KCNH1: variants seen among roughly 807,000 people sequenced by gnomAD.
KCNH1 encodes the protein voltage-gated delayed rectifier potassium channel KCNH1.
Under a neutral mutation model 69.2 loss-of-function variants are expected in KCNH1, and 27 were observed. That is an observed-to-expected ratio of 0.39 (90% CI 0.29 to 0.54). KCNH1 has a LOEUF of 0.54. Ranked by LOEUF, KCNH1 falls within the 20% of genes least tolerant of loss-of-function variation. The probability of loss-of-function intolerance (pLI) is 0.68; values close to 1 mark genes in which losing one functional copy is unlikely to be tolerated. For missense variants in KCNH1, 798 were observed against 1,261.6 expected (o/e 0.63, Z 5.57); for synonymous variants, 456 against 487.7 (o/e 0.93, Z 0.86).
intron 1 of KCNH1, among the ~76,000 whole-genome samples, chr1:211,116,340 G>A (rs1691582105): frequency 6.6e-6 from 1 of 152,106 alleles, no homozygotes; most frequent in Admixed American, 6.5e-5. Flanking sequence ...TATAACTTCT[G>A]CAGTAGTCTT....
In KCNH1 at chr1:210,919,515, G is replaced by C. The variant is rs1044727141; in HGVS notation, c.1462+125C>G. 1.2e-5 allele frequency: 11 copies of C among 938,408 alleles called. No homozygotes were observed. In the South Asian group the frequency reaches 1.7e-4, roughly 15 times the overall value. The allele number at this position is 938,408 out of a possible 1,614,324, so 58.1% of individuals were successfully genotyped here. ...AATTATCAGGGTAACTGTAAGCCTAGTCTTAAAAAAACTCTTCCTTGTTTT... is the reference window on the plus strand; with the variant it reads ...AATTATCAGGGTAACTGTAAGCCTACTCTTAAAAAAACTCTTCCTTGTTTT... On this transcript the variant is annotated intron_variant, in intron 7 of 10. Coordinates refer to ENST00000271751, the MANE Select transcript of KCNH1 (RefSeq NM_172362.3). This position sits in a 1 kb window ranked among gnomAD's most constrained non-coding sequence, Gnocchi z 4.2.
chr1:210,842,868 T>C (rs1685439823), intron 7 of KCNH1, among the ~76,000 whole-genome samples: 2 of 152,222 alleles, frequency 1.3e-5, no homozygotes, highest in African/African-American at 4.8e-5. Context: ...CCATCTTCTC[T>C]GTCCCATCTT....
At chr1:210,776,082 C>T (rs770763796) in intron 9 of KCNH1, among the ~76,000 whole-genome samples, 15 of 152,120 alleles carry the variant, frequency 9.9e-5, no homozygotes, top group Non-Finnish European at 1.3e-4. Context: ...TAAGGGAGCA[C>T]GTGGACTCTT....
At chr1:210,835,083 A>T (rs1204834720) in intron 7 of KCNH1, among the ~76,000 whole-genome samples, 1 of 152,018 alleles carries the variant, frequency 6.6e-6, no homozygotes, top group Non-Finnish European at 1.5e-5. Context: ...GTGCCTAAAA[A>T]CTCATAGAAT....
intron 1 of KCNH1, among the ~76,000 whole-genome samples, chr1:211,124,850 G>A (rs1300565270): frequency 6.6e-6 from 1 of 152,188 alleles, no homozygotes; most frequent in African/African-American, 2.4e-5. Context: ...TTTCTAAGGT[G>A]TAAATACCTT....
At chr1:210,754,646 C>T (rs748515864) in intron 10 of KCNH1, among the ~76,000 whole-genome samples, 9 of 152,014 alleles carry the variant, frequency 5.9e-5, no homozygotes, top group African/African-American at 1.9e-4. Flanking sequence ...TACCGTGTGA[C>T]GTGCCTGCTC....
At position 211,098,290 on chromosome 1, in the gene KCNH1, C is replaced by A. The variant is rs868390491; in HGVS notation, c.310+5206G>T. 3.4e-5 allele frequency among the ~76,000 whole-genome samples: 5 copies of A among 146,722 alleles called. No individual in the cohort carries two copies. In the Admixed American group the frequency reaches 3.5e-4, roughly 10 times the overall value. The stretch of plus-strand genomic sequence containing the variant: ...GAGCTGAGATCGCGCCACTGCACTC[C>A]AGCTTGGGCGACATAGCCAGACCCT... On this transcript the variant is annotated intron_variant, in intron 3 of 10. Transcript: ENST00000271751.
chr1:210,843,192 A>G (rs988996992), intron 7 of KCNH1, among the ~76,000 whole-genome samples: 1 of 152,232 alleles, frequency 6.6e-6, no homozygotes, highest in African/African-American at 2.4e-5. Flanking sequence ...CAACTAGTGC[A>G]TAGCTCTGCT....
intron 7 of KCNH1, among the ~76,000 whole-genome samples, chr1:210,888,362 A>G (rs143747801): frequency 0.019 from 2,891 of 152,298 alleles, 94 homozygotes; most frequent in African/African-American, 0.065. Context: ...GAAACCAATG[A>G]GAACAAAGAC....
At chr1:210,684,266 C>T in intron 10 of KCNH1, 128 bp from the exon 11 acceptor site, 2 of 999,086 alleles carry the variant, frequency 2.0e-6, no homozygotes, top group South Asian at 2.6e-5. Flanking sequence ...GGCTGGGGCT[C>T]ACAGCCTACA....
At chr1:210,986,910 T>C (rs1267244663) in intron 6 of KCNH1, among the ~76,000 whole-genome samples, 3 of 152,258 alleles carry the variant, frequency 2.0e-5, no homozygotes, top group African/African-American at 7.2e-5. Flanking sequence ...CCCCATCACT[T>C]TCAGGTATAC....
chr1:210,781,643 G>A (rs1364190815), intron 9 of KCNH1, among the ~76,000 whole-genome samples: 1 of 152,100 alleles, frequency 6.6e-6, no homozygotes, highest in South Asian at 2.1e-4. Context: ...TCATTCAGGG[G>A]GACAATGACA....
chr1:210,828,752 G>A (rs1456745148), intron 7 of KCNH1, among the ~76,000 whole-genome samples: 2 of 152,160 alleles, frequency 1.3e-5, no homozygotes, highest in African/African-American at 4.8e-5. Flanking sequence ...TGCTACTCCT[G>A]TATGGAAAAG....
intron 7 of KCNH1, among the ~76,000 whole-genome samples, chr1:210,917,217 GAGAGAGAGAGAGAGAAAGAA>G (rs1471495898): frequency 1.1e-5 from 1 of 88,614 alleles, no homozygotes; most frequent in Non-Finnish European, 2.4e-5. Context: ...CAGAGAGAGA[GAGAGAGAGAGAGAGAAAGAA>G]AGAAAGAAAG....
intron 8 of KCNH1, among the ~76,000 whole-genome samples, chr1:210,798,108 C>T (rs1203439124): frequency 4.0e-5 from 6 of 149,834 alleles, no homozygotes; most frequent in African/African-American, 9.9e-5. Flanking sequence ...GGCATGATCT[C>T]GGCTCACTGC....
chr1:210,811,425 CT>C (rs2102415569), intron 7 of KCNH1, among the ~76,000 whole-genome samples: 1 of 152,152 alleles, frequency 6.6e-6, no homozygotes, highest in South Asian at 2.1e-4. Flanking sequence ...TCAGATTTCC[CT>C]TCTGTCACAT....
rs6679399 is a variant in KCNH1 at position 210,920,004 on chromosome 1, A to C, written c.1098T>G (p.Arg366=). 36,480 of 1,614,158 alleles carry C rather than the reference A, an allele frequency of 0.023. 465 individuals carry two copies. Among genetic ancestry groups the C allele is most frequent in the Non-Finnish European group, 0.027 (31,741 of 1,180,000 alleles). ...VRLLRLGRVA[R]KLDHYIEYGA... The stretch of plus-strand genomic sequence containing the variant: ...CATATTCAATGTAGTGGTCCAGCTT[A>C]CGGGCCACTCGCCCAAGACGGAGCA... The change falls in exon 7 of 11, where the codon CGT becomes CGG. Residue 366 remains arginine (R), a synonymous_variant. Transcript: ENST00000271751.
intron 10 of KCNH1, among the ~76,000 whole-genome samples, chr1:210,749,658 T>C (rs1233878313): frequency 6.6e-6 from 1 of 152,020 alleles, no homozygotes; most frequent in Non-Finnish European, 1.5e-5. Flanking sequence ...TAGAAATAAC[T>C]TGGGACATAG....
chr1:210,716,608 G>T (rs1558436942), intron 10 of KCNH1, among the ~76,000 whole-genome samples: 1 of 152,148 alleles, frequency 6.6e-6, no homozygotes, highest in Non-Finnish European at 1.5e-5. Flanking sequence ...CCTTTAACTT[G>T]CATAGAACTT....
Sources: allele counts gnomAD v4.1 joint callset (sites outside exome capture counted in the v4.1 genomes callset), GRCh38; gene constraint gnomAD v4.1.1; non-coding constraint Gnocchi (gnomAD v3.1); transcripts MANE v1.5; gene names NCBI Gene and HGNC (gene_info 2026-07-23, HGNC 2026-07-21).